The following SH3RF2 variants were observed in gnomAD, a reference collection of about 807,000 sequenced individuals.
SH3RF2 encodes the protein E3 ubiquitin-protein ligase SH3RF2.
SH3RF2 carries 43 observed loss-of-function variants against 59.0 expected under a neutral mutation model. The ratio of observed to expected loss-of-function variants is 0.73; its 90% CI spans 0.57 to 0.94. The LOEUF (loss-of-function observed/expected upper bound fraction) is 0.94. Ranked by LOEUF, SH3RF2 falls within the 40% of genes least tolerant of loss-of-function variation. The pLI is 0.00. For missense variants in SH3RF2, 930 were observed against 940.1 expected (o/e 0.99, Z 0.14); for synonymous variants, 391 against 391.5 (o/e 1.00, Z 0.01).
intron 2 of SH3RF2, among the ~76,000 whole-genome samples, chr5:145,981,604 A>G (rs1759509919): frequency 6.6e-6 from 1 of 152,140 alleles, no homozygotes; most frequent in Non-Finnish European, 1.5e-5. Flanking sequence ...TTCCTATTGC[A>G]TCCCTGTGTT....
chr5:146,056,282 G>A (rs554170503), intron 8 of SH3RF2, 69 bp downstream of exon 8: 322 of 1,602,754 alleles, frequency 2.0e-4, no homozygotes, highest in Non-Finnish European at 2.6e-4. Flanking sequence ...GGGGTACACA[G>A]GATGCTTTTT....
chr5:145,990,268 T>C (rs908106020), intron 2 of SH3RF2, among the ~76,000 whole-genome samples: 1 of 152,170 alleles, frequency 6.6e-6, no homozygotes, highest in African/African-American at 2.4e-5. Flanking sequence ...ATATCACCAA[T>C]ATAATAGCCA....
chr5:146,063,177 C>T lies in SH3RF2; in HGVS notation c.*476C>T, dbSNP rs1762962640. 1 of 154,506 alleles carries T rather than the reference C, an allele frequency of 6.5e-6. No individual in the cohort carries two copies. 9.6% of individuals were successfully genotyped at this position (154,506 alleles called of 1,614,324 possible). On this transcript the variant is annotated 3_prime_UTR_variant, in exon 10 of 10. Coordinates refer to ENST00000359120, the MANE Select transcript of SH3RF2 (RefSeq NM_152550.4). ...CTGTACACTGGCCACTAGTAGCTGC[C>T]ATATCTTTTTCCCTCTGTAAAGTCA...
intron 2 of SH3RF2, among the ~76,000 whole-genome samples, chr5:145,978,423 G>A (rs1320607771): frequency 6.6e-6 from 1 of 152,208 alleles, no homozygotes; most frequent in Non-Finnish European, 1.5e-5. Context: ...TTGCAGGGAT[G>A]TCCACAGGGT....
intron 2 of SH3RF2, among the ~76,000 whole-genome samples, chr5:145,997,043 C>T (rs181254938): frequency 2.8e-4 from 43 of 152,226 alleles, no homozygotes; most frequent in African/African-American, 8.9e-4. Context: ...ATAGACATGG[C>T]GGTCATCAGG....
At chr5:145,997,861 G>A (rs868843826) in intron 2 of SH3RF2, 18 of 1,086,084 alleles carry the variant, frequency 1.7e-5, no homozygotes, top group East Asian at 4.7e-5. Context: ...ATCTTGAAAT[G>A]CTCAGTGCCC....
chr5:146,066,830 G>C (rs934113742), downstream of SH3RF2, among the ~76,000 whole-genome samples: 2 of 152,178 alleles, frequency 1.3e-5, no homozygotes, highest in Non-Finnish European at 2.9e-5. Context: ...ATTCCATCCT[G>C]TGAGAGCATC....
intron 1 of SH3RF2, among the ~76,000 whole-genome samples, chr5:145,937,612 A>G (rs1757641072): frequency 6.6e-6 from 1 of 152,174 alleles, no homozygotes; most frequent in South Asian, 2.1e-4. Context: ...ATAAGCAGTC[A>G]GTCTTGTGCT....
chr5:146,018,781 A>T (rs533655457), intron 5 of SH3RF2, among the ~76,000 whole-genome samples: 1 of 152,236 alleles, frequency 6.6e-6, no homozygotes, highest in Non-Finnish European at 1.5e-5. Context: ...CACCACATCC[A>T]TGCCCACATC....
intron 5 of SH3RF2, among the ~76,000 whole-genome samples, chr5:146,037,650 A>G (rs1363805499): frequency 6.6e-6 from 1 of 152,240 alleles, no homozygotes; most frequent in Non-Finnish European, 1.5e-5. Flanking sequence ...AAAACCCTTC[A>G]GAATAACATT....
At chr5:146,062,005 C>A (rs189811039) in intron 9 of SH3RF2, among the ~76,000 whole-genome samples, 7 of 152,226 alleles carry the variant, frequency 4.6e-5, no homozygotes, top group Admixed American at 4.6e-4. Flanking sequence ...TAAATGGAGT[C>A]ATCAGGAGAG....
downstream of SH3RF2, among the ~76,000 whole-genome samples, chr5:146,063,820 A>G (rs573560220): frequency 6.6e-6 from 1 of 152,312 alleles, no homozygotes; most frequent in South Asian, 2.1e-4. Flanking sequence ...AGATTGCACC[A>G]CTGCACTCCA....
chr5:146,036,336 G>T (rs1209329045), intron 5 of SH3RF2, among the ~76,000 whole-genome samples: 1 of 152,186 alleles, frequency 6.6e-6, no homozygotes, highest in Non-Finnish European at 1.5e-5. Context: ...AGGATCGCTT[G>T]AGCTCAGGAG....
At chr5:146,038,961 T>C (rs770417985) in intron 5 of SH3RF2, among the ~76,000 whole-genome samples, 1 of 152,210 alleles carries the variant, frequency 6.6e-6, no homozygotes, top group Non-Finnish European at 1.5e-5. Context: ...GGATCTAGCA[T>C]AGGGATTCTA....
chr5:146,074,057 T>TTTTTTTTTTTTTTTA, intron 9 of SH3RF2, among the ~76,000 whole-genome samples: 1 of 144,586 alleles, frequency 6.9e-6, no homozygotes, highest in African/African-American at 2.6e-5. Context: ...TTTTTTTTTT[T>TTTTTTTTTTTTTTTA]GAGACAGAGT....
intron 2 of SH3RF2, among the ~76,000 whole-genome samples, chr5:145,977,224 G>A (rs1009650357): frequency 1.3e-5 from 2 of 152,016 alleles, no homozygotes; most frequent in Non-Finnish European, 2.9e-5. Context: ...CAAAAGACAA[G>A]ACAAGGTAAG....
At chr5:146,059,528 A>T (rs1762805011) in intron 8 of SH3RF2, among the ~76,000 whole-genome samples, 1 of 150,898 alleles carries the variant, frequency 6.6e-6, no homozygotes, top group African/African-American at 2.4e-5. Context: ...TGTCTGCTTC[A>T]CGCGCGCGTG....
At chr5:146,073,587 T>TCCA (rs1277253660) in intron 9 of SH3RF2, among the ~76,000 whole-genome samples, 3 of 152,200 alleles carry the variant, frequency 2.0e-5, no homozygotes, top group African/African-American at 7.2e-5. Flanking sequence ...CTGCTCCCAC[T>TCCA]CCATCTCCAT....
intron 1 of SH3RF2, 134 bp from the exon 2 acceptor site, chr5:145,937,689 A>T (rs1350625867): frequency 1.1e-5 from 6 of 545,360 alleles, no homozygotes; most frequent in African/African-American, 1.9e-5. Flanking sequence ...TTGAATCAGA[A>T]TGAGTCATTT....
Sources: allele counts gnomAD v4.1 joint callset (sites outside exome capture counted in the v4.1 genomes callset), GRCh38; gene constraint gnomAD v4.1.1; transcripts MANE v1.5; gene names NCBI Gene and HGNC (gene_info 2026-07-23, HGNC 2026-07-21).